Variants in PTPRS observed in about 807,000 individuals in gnomAD.
The protein encoded by PTPRS is receptor-type tyrosine-protein phosphatase S.
In PTPRS, 63 loss-of-function variants were observed where a neutral mutation model predicts 215.3. That is an observed-to-expected ratio of 0.29 (90% CI 0.24 to 0.36). PTPRS has a LOEUF of 0.36. Ranked by LOEUF, PTPRS falls within the 10% of genes least tolerant of loss-of-function variation. The probability of loss-of-function intolerance (pLI) is 1.00; values close to 1 mark genes in which losing one functional copy is unlikely to be tolerated. For missense variants in PTPRS, 2,258 were observed against 2,825.8 expected (o/e 0.80, Z 4.56); for synonymous variants, 1,404 against 1,191.4 (o/e 1.18, Z -3.68).
At chr19:5,302,146 G>A (rs757483047) in intron 1 of PTPRS, among the ~76,000 whole-genome samples, 14 of 152,028 alleles carry the variant, frequency 9.2e-5, no homozygotes, top group African/African-American at 3.4e-4. Context: ...CAGGAGGATC[G>A]TTTGAGCCAG....
chr19:5,221,390 C>T, intron 19 of PTPRS, 137 bp from the exon 20 acceptor site: 1 of 1,104,542 alleles, frequency 9.1e-7, no homozygotes, highest in Non-Finnish European at 1.3e-6. Context: ...CTAACACTGA[C>T]TGATCCCTGA....
intron 2 of PTPRS, among the ~76,000 whole-genome samples, chr19:5,285,525 A>G (rs1005616813): frequency 6.6e-6 from 1 of 152,192 alleles, no homozygotes; most frequent in East Asian, 1.9e-4. Context: ...CCCAGTCCCA[A>G]TGCCCTTTTT....
chr19:5,239,171 G>GAA (rs907931267), intron 12 of PTPRS, 108 bp from the exon 13 acceptor site: 2 of 708,596 alleles, frequency 2.8e-6, no homozygotes, highest in East Asian at 3.2e-5. Flanking sequence ...GGGGGAGAGA[G>GAA]AGAGAGAGAG....
chr19:5,208,185 G>C, intron 36 of PTPRS, 52 bp downstream of exon 36: 1 of 1,558,992 alleles, frequency 6.4e-7, no homozygotes, highest in Middle Eastern at 1.8e-4. Flanking sequence ...GTCCCCACCA[G>C]GCCTCAGTTT....
At chr19:5,307,772 G>A (rs774518589) in intron 1 of PTPRS, among the ~76,000 whole-genome samples, 45 of 152,204 alleles carry the variant, frequency 3.0e-4, no homozygotes, top group African/African-American at 9.9e-4. Context: ...GGCTCAGGGC[G>A]ACTGTACCAC....
chr19:5,333,953 C>T (rs1475373178), intron 1 of PTPRS, among the ~76,000 whole-genome samples: 1 of 151,422 alleles, frequency 6.6e-6, no homozygotes, highest in Non-Finnish European at 1.5e-5. Context: ...TGCTGTTAAA[C>T]CCCCAAATCC....
At chr19:5,271,897 G>T (rs967691540) in intron 4 of PTPRS, among the ~76,000 whole-genome samples, 1 of 151,606 alleles carries the variant, frequency 6.6e-6, no homozygotes, top group African/African-American at 2.4e-5. Context: ...CCTAATTTTT[G>T]TATTTTTAGT....
intron 25 of PTPRS, 36 bp from the exon 26 acceptor site, chr19:5,216,803 C>CA (rs2041508754): frequency 6.8e-7 from 1 of 1,465,504 alleles, no homozygotes; most frequent in African/African-American, 1.4e-5. Context: ...TGAAAACATG[C>CA]AGGGGGTAGG....
intron 9 of PTPRS, among the ~76,000 whole-genome samples, chr19:5,254,464 T>C (rs1029932523): frequency 6.0e-5 from 9 of 150,812 alleles, no homozygotes; most frequent in African/African-American, 2.2e-4. Flanking sequence ...CTCAAGGGCG[T>C]GCCTTTTCTT....
chr19:5,219,606 A>T, intron 22 of PTPRS, 139 bp from the exon 23 acceptor site: 2 of 1,106,554 alleles, frequency 1.8e-6, no homozygotes, highest in Non-Finnish European at 2.5e-6. Flanking sequence ...CTGGTGGCCT[A>T]TGTGACCTGG....
At chr19:5,242,036 T>C (rs2044084280) in intron 11 of PTPRS, among the ~76,000 whole-genome samples, 1 of 151,844 alleles carries the variant, frequency 6.6e-6, no homozygotes, top group Non-Finnish European at 1.5e-5. Context: ...GGTTTCACCA[T>C]TATTGGCCAG....
intron 26 of PTPRS, 103 bp downstream of exon 26, chr19:5,216,596 AGGTGGGCAAAGGCCGGTGATG>A (rs1568383608): frequency 1.2e-6 from 1 of 828,756 alleles, no homozygotes; most frequent in Non-Finnish European, 2.0e-6. Flanking sequence ...AGCACAAGAC[AGGTGGGCAAAGGCCGGTGATG>A]GGTGGGCGTG....
intron 1 of PTPRS, among the ~76,000 whole-genome samples, chr19:5,302,664 G>A (rs1166272366): frequency 6.6e-6 from 1 of 152,164 alleles, no homozygotes; most frequent in Non-Finnish European, 1.5e-5. Context: ...GGAGCTGAAA[G>A]GGAGTCATTG....
chr19:5,288,876 C>T (rs2048581074), intron 1 of PTPRS, among the ~76,000 whole-genome samples: 1 of 152,232 alleles, frequency 6.6e-6, no homozygotes, highest in African/African-American at 2.4e-5. Flanking sequence ...CGGCAGAAGC[C>T]ATGTTGGGCC....
chr19:5,309,070 T>C (rs931289757), intron 1 of PTPRS, among the ~76,000 whole-genome samples: 5 of 150,936 alleles, frequency 3.3e-5, no homozygotes, highest in African/African-American at 1.2e-4. Flanking sequence ...AGGTGGGAGG[T>C]GAGTGCCAAG....
At chr19:5,226,266 G>C (rs2042488901) in intron 16 of PTPRS, among the ~76,000 whole-genome samples, 1 of 152,176 alleles carries the variant, frequency 6.6e-6, no homozygotes, top group Admixed American at 6.5e-5. Context: ...TCTCCTTGCT[G>C]TTCCTCCAAT....
chr19:5,214,790 C>T, intron 28 of PTPRS, 54 bp from the exon 29 acceptor site: 1 of 1,533,752 alleles, frequency 6.5e-7, no homozygotes, highest in Non-Finnish European at 8.8e-7. Context: ...GCTAGTTTGG[C>T]TCTGTGTGGC....
At chr19:5,224,747 A>C (rs1005778059) in intron 17 of PTPRS, among the ~76,000 whole-genome samples, 2 of 152,068 alleles carry the variant, frequency 1.3e-5, no homozygotes, top group Non-Finnish European at 1.5e-5. Context: ...GAAGGGAGGG[A>C]GAGATCACAG....
At chr19:5,224,517 T>G (rs1379207776) in intron 17 of PTPRS, among the ~76,000 whole-genome samples, 4 of 152,146 alleles carry the variant, frequency 2.6e-5, no homozygotes, top group African/African-American at 9.7e-5. Flanking sequence ...TAGTAATCAA[T>G]GTGCCGAGAG....
Sources: gnomAD v4.1 joint callset for allele counts (sites outside exome capture counted in the v4.1 genomes callset) on GRCh38, gnomAD v4.1.1 for gene constraint, MANE v1.5 for transcripts, NCBI Gene and HGNC (gene_info 2026-07-23, HGNC 2026-07-21) for gene names.